The following PC variants were observed in gnomAD, a reference collection of about 807,000 sequenced individuals.
PC encodes pyruvate carboxylase, mitochondrial.
A neutral mutation model predicts 107.8 loss-of-function variants in PC; 46 were observed. That is an observed-to-expected ratio of 0.43 (90% CI 0.34 to 0.55). The LOEUF (loss-of-function observed/expected upper bound fraction) is 0.55, where lower values mean the gene tolerates loss of function less well. PC is among the 20% of genes least tolerant of loss of function. The pLI, the probability that PC is intolerant of heterozygous loss-of-function variation, is 0.04. For missense variants in PC, 1,241 were observed against 1,643.1 expected (o/e 0.76, Z 4.23); for synonymous variants, 662 against 684.7 (o/e 0.97, Z 0.52).
At chr11:66,872,358 C>G (rs1946771619) in intron 3 of PC, among the ~76,000 whole-genome samples, 199 bp from the exon 4 acceptor site, 1 of 152,094 alleles carries the variant, frequency 6.6e-6, no homozygotes, top group Admixed American at 6.5e-5. Flanking sequence ...CCCAGCTCAG[C>G]CTGATATCCT....
At chr11:66,904,955 A>T (rs1948109072) in intron 3 of PC, among the ~76,000 whole-genome samples, 1 of 152,236 alleles carries the variant, frequency 6.6e-6, no homozygotes. Context: ...CAATTAAGGG[A>T]TCTGTTTTAC....
chr11:66,948,696 C>T (rs574692226), intron 3 of PC, among the ~76,000 whole-genome samples: 23 of 151,868 alleles, frequency 1.5e-4, no homozygotes, highest in Non-Finnish European at 2.8e-4. Context: ...AAAAATTAGC[C>T]GGGTGTGGTG....
intron 3 of PC, among the ~76,000 whole-genome samples, chr11:66,907,574 C>T (rs1309280189): frequency 2.6e-5 from 4 of 152,184 alleles, no homozygotes; most frequent in African/African-American, 4.8e-5. Context: ...TAGGGTTTGC[C>T]TACCTCCTGC....
intron 3 of PC, among the ~76,000 whole-genome samples, chr11:66,893,013 G>A (rs1033876562): frequency 6.6e-6 from 1 of 152,138 alleles, no homozygotes. Flanking sequence ...CTGCTGCAGT[G>A]GAAATATCTT....
intron 3 of PC, among the ~76,000 whole-genome samples, chr11:66,878,088 A>T (rs1947049098): frequency 6.6e-6 from 1 of 151,428 alleles, no homozygotes; most frequent in African/African-American, 2.4e-5. Context: ...TGCTACACCG[A>T]CTCCTTGGGT....
intron 18 of PC, 45 bp from the exon 19 acceptor site, chr11:66,850,509 T>C: frequency 1.2e-6 from 2 of 1,612,988 alleles, no homozygotes; most frequent in Non-Finnish European, 1.7e-6. Flanking sequence ...AATGTGTGAC[T>C]CTTCCAGGAC....
chr11:66,927,850 C>T (rs1323115139), intron 3 of PC, among the ~76,000 whole-genome samples: 1 of 151,788 alleles, frequency 6.6e-6, no homozygotes, highest in African/African-American at 2.4e-5. Flanking sequence ...GAGACTAGAT[C>T]ATGGGAAACA....
chr11:66,872,750 A>G (rs1007939495), intron 3 of PC, among the ~76,000 whole-genome samples: 13 of 151,998 alleles, frequency 8.6e-5, no homozygotes, highest in African/African-American at 3.1e-4. Context: ...AAATAAAAGT[A>G]TCAGGTTGGG....
At chr11:66,919,567 G>A (rs1565286967) in intron 3 of PC, among the ~76,000 whole-genome samples, 1 of 152,232 alleles carries the variant, frequency 6.6e-6, no homozygotes, top group Non-Finnish European at 1.5e-5. Flanking sequence ...GGGGGACGAG[G>A]TAGTGACAAC....
Position 66,858,860 on chromosome 11 carries a change from C to T in PC, c.1368+4914G>A. The T allele has an allele frequency of 6.4e-7, 1 of 1,555,592 alleles. No individual in the cohort carries two copies. Among genetic ancestry groups the T allele is most frequent in the Non-Finnish European group, 8.7e-7 (1 of 1,150,628 alleles). ...TAGAACTGCGGGTGCTGGCCTTGCC[C>T]CATGGTGGGAACAGCAGTGCCGAGG... On this transcript the variant is annotated intron_variant, in intron 12 of 22. Coordinates refer to ENST00000393960, the MANE Select transcript of PC (RefSeq NM_001040716.2). The surrounding 1 kb of genome is among the most constrained non-coding windows in gnomAD (Gnocchi z 5.9).
chr11:66,918,519 C>T (rs184518814), intron 3 of PC, among the ~76,000 whole-genome samples: 9 of 151,882 alleles, frequency 5.9e-5, no homozygotes, highest in East Asian at 5.8e-4. Flanking sequence ...ATTACATGCA[C>T]GCGCCACCAA....
chr11:66,852,752 G>T lies in PC; in HGVS notation c.1598C>A (p.Pro533His). 2 of 1,608,704 alleles carry T rather than the reference G, an allele frequency of 1.2e-6. No homozygotes were observed. Among genetic ancestry groups the T allele is most frequent in the South Asian group, 2.2e-5 (2 of 90,724 alleles). The change falls in exon 14 of 23, where the codon CCC (proline) becomes CAC (histidine). Residue 533 changes from proline (P) to histidine (H), a missense_variant. Transcript: ENST00000393960. The surrounding 1 kb of genome is among the most constrained non-coding windows in gnomAD (Gnocchi z 4.7). ...ACAGAATGGATCTCACCTACCTATG[G>T]GCACTGCAGGGACAACGGGGTCCGT... is the stretch of plus-strand genomic sequence containing the variant. ...SPTDPVVPAV[P>H]IGPPPAGFRD...
Position 66,872,051 on chromosome 11 carries a change from T to C in PC, c.109A>G (p.Ile37Val), listed in dbSNP as rs991070802. The part of the protein sequence containing the change: ...PNVRRLEYKP[I>V]KKVMVANRGE... ...CTGTTGGCCACCATGACTTTCTTGA[T>C]GGGCTTATACTCCAGGCGCCGGACA... The change falls in exon 4 of 23, where the codon ATC (isoleucine) becomes GTC (valine). Residue 37 changes from isoleucine (I) to valine (V), a missense_variant. Transcript: ENST00000393960. The C allele has an allele frequency of 1.3e-6, 2 of 1,562,980 alleles. No individual in the cohort carries two copies. Among genetic ancestry groups the C allele is most frequent in the African/African-American group, 1.4e-5 (1 of 73,660 alleles).
At chr11:66,899,743 G>C (rs1947882663) in intron 3 of PC, among the ~76,000 whole-genome samples, 2 of 152,156 alleles carry the variant, frequency 1.3e-5, no homozygotes, top group Admixed American at 6.5e-5. Flanking sequence ...AGTGTTCTTT[G>C]ATGTACAAAG....
chr11:66,853,140 A>C (rs1162508174), intron 13 of PC, 99 bp downstream of exon 13: 1 of 1,379,968 alleles, frequency 7.2e-7, no homozygotes, highest in African/African-American at 1.4e-5. Flanking sequence ...AGGGGGCACT[A>C]AGGAGTTCTT....
At chr11:66,862,023 C>T (rs2135893710) in intron 12 of PC, among the ~76,000 whole-genome samples, 2 of 152,264 alleles carry the variant, frequency 1.3e-5, no homozygotes, top group South Asian at 4.1e-4. Flanking sequence ...CCCCAGGAGC[C>T]AGCCAGGACC....
intron 3 of PC, among the ~76,000 whole-genome samples, chr11:66,940,343 C>T (rs556255748): frequency 7.9e-5 from 12 of 151,994 alleles, no homozygotes; most frequent in Non-Finnish European, 1.3e-4. Context: ...GGACCACACC[C>T]GGCCCCTCTG....
intron 3 of PC, among the ~76,000 whole-genome samples, chr11:66,873,519 T>TAG: frequency 5.6e-4 from 1 of 1,800 alleles, no homozygotes; most frequent in Non-Finnish European, 2.2e-3. Flanking sequence ...TATATTATAT[T>TAG]ATATATTATA....
At chr11:66,864,095 T>C (rs907190334) in intron 11 of PC, 139 bp from the exon 12 acceptor site, 2 of 859,402 alleles carry the variant, frequency 2.3e-6, no homozygotes, top group African/African-American at 3.3e-5. Flanking sequence ...ATCCCAGCTC[T>C]GGCTGGTCAG....
Sources: allele counts gnomAD v4.1 joint callset (sites outside exome capture counted in the v4.1 genomes callset), GRCh38; gene constraint gnomAD v4.1.1; non-coding constraint Gnocchi (gnomAD v3.1); transcripts MANE v1.5; gene names NCBI Gene and HGNC (gene_info 2026-07-23, HGNC 2026-07-21).